PTPRD: variants seen among roughly 807,000 people sequenced by gnomAD.
PTPRD encodes the protein protein tyrosine phosphatase receptor type D.
In PTPRD, 34 loss-of-function variants were observed where a neutral mutation model predicts 214.5. The observed-to-expected ratio is 0.16, with a 90% CI of 0.12 to 0.21. PTPRD has a LOEUF of 0.21. PTPRD is among the 10% of genes least tolerant of loss of function. PTPRD has a pLI of 1.00. For synonymous variants in PTPRD, 1,128 were observed against 845.7 expected, an observed-to-expected ratio of 1.33 and a Z score of -5.79; for missense variants, 2,545 against 2,398.7, an observed-to-expected ratio of 1.06 and a Z score of -1.27.
At chr9:8,781,994 C>T (rs62528837) in intron 11 of PTPRD, among the ~76,000 whole-genome samples, 15,611 of 148,444 alleles carry the variant, frequency 0.11, 1,052 homozygotes, top group Middle Eastern at 0.15. Context: ...ATTTTTCAAA[C>T]GGACAAAAAC....
In PTPRD at chr9:8,994,659, G is replaced by T. The variant is rs533451036; in HGVS notation, c.-104+24038C>A. ...AATTAAGACAATTACAATTACGGTT[G>T]GAGGGGGGGTGTTGTTTGTTTTTGT... On this transcript the variant is annotated intron_variant, in intron 11 of 45. Transcript: ENST00000381196. Among the ~76,000 whole-genome samples, 921 of 152,016 alleles carry T rather than the reference G, an allele frequency of 6.1e-3. 2 individuals carry two copies. Among genetic ancestry groups the T allele is most frequent in the African/African-American group, 0.022 (896 of 41,510 alleles).
chr9:10,034,178 G>A (rs1401793645), intron 3 of PTPRD, among the ~76,000 whole-genome samples: 1 of 151,980 alleles, frequency 6.6e-6, no homozygotes, highest in East Asian at 1.9e-4. Flanking sequence ...AAAAGTTCAT[G>A]CTGTAGGACA....
At chr9:9,052,638 C>T (rs1313089770) in intron 10 of PTPRD, among the ~76,000 whole-genome samples, 1 of 152,086 alleles carries the variant, frequency 6.6e-6, no homozygotes. Flanking sequence ...ATGGACTTTC[C>T]CTCTCCCATT....
intron 3 of PTPRD, among the ~76,000 whole-genome samples, chr9:10,200,072 G>A (rs1302671235): frequency 6.6e-6 from 1 of 151,958 alleles, no homozygotes; most frequent in East Asian, 1.9e-4. Flanking sequence ...TTTATATCAT[G>A]TAATATTAGT....
At chr9:8,375,417 T>G (rs1363988001) in intron 39 of PTPRD, among the ~76,000 whole-genome samples, 2 of 152,196 alleles carry the variant, frequency 1.3e-5, no homozygotes, top group Non-Finnish European at 2.9e-5. Flanking sequence ...TTAAATACAT[T>G]TTTAAAAATC....
chr9:9,789,336 A>C (rs1175249728), intron 5 of PTPRD, among the ~76,000 whole-genome samples: 1 of 152,244 alleles, frequency 6.6e-6, no homozygotes, highest in Non-Finnish European at 1.5e-5. Flanking sequence ...TAACTATTCA[A>C]GCTTGGGAAG....
At chr9:9,111,629 G>A (rs936980796) in intron 10 of PTPRD, among the ~76,000 whole-genome samples, 1 of 152,094 alleles carries the variant, frequency 6.6e-6, no homozygotes, top group Non-Finnish European at 1.5e-5. Flanking sequence ...GAAGAGTACT[G>A]GTGTAACAGT....
rs529036998 is a variant in PTPRD, at chr9:8,573,768, C to G, written c.353-44989G>C. On this transcript the variant is annotated intron_variant, in intron 14 of 45. Transcript: ENST00000381196. ...GTAGGAGTATTTATGGAACATTACT[C>G]TTAATTCTGCATTTTTACCTATGCA... is the stretch of plus-strand genomic sequence containing the variant. Among the ~76,000 whole-genome samples the G allele has an allele frequency of 4.6e-5, 7 of 151,942 alleles. No homozygotes were observed. The South Asian group carries it at 1.0e-3, about 23-fold the overall frequency.
intron 11 of PTPRD, among the ~76,000 whole-genome samples, chr9:8,878,672 C>A (rs1178842083): frequency 6.6e-6 from 1 of 152,110 alleles, no homozygotes; most frequent in Non-Finnish European, 1.5e-5. Flanking sequence ...GAATTACAGG[C>A]ACATGCTACC....
Position 10,475,391 on chromosome 9 carries a change from A to T in PTPRD, c.-599-134374T>A, listed in dbSNP as rs2099056174. Among the ~76,000 whole-genome samples, 4 of 152,100 alleles carry T rather than the reference A, an allele frequency of 2.6e-5. No individual in the cohort carries two copies. In the South Asian group the frequency reaches 8.3e-4, roughly 32 times the overall value. ...AAATCAACTGGAAAATGTAGAAGAA[A>T]TGGATAAATTCCTGGACACATAAAC... is the stretch of plus-strand genomic sequence containing the variant. On this transcript the variant is annotated intron_variant, in intron 2 of 45. Coordinates refer to ENST00000381196, the MANE Select transcript of PTPRD (RefSeq NM_002839.4).
At chr9:8,347,097 G>T (rs546790696) in intron 39 of PTPRD, among the ~76,000 whole-genome samples, 20 of 152,110 alleles carry the variant, frequency 1.3e-4, no homozygotes, top group Admixed American at 8.5e-4. Flanking sequence ...GATAGAGGGG[G>T]ACTACACTAA....
intron 5 of PTPRD, among the ~76,000 whole-genome samples, chr9:9,904,647 T>A (rs2077136211): frequency 6.6e-6 from 1 of 151,916 alleles, no homozygotes; most frequent in African/African-American, 2.4e-5. Context: ...ATAATGCATT[T>A]AAAAAAATGC....
chr9:8,499,505 A>G, intron 25 of PTPRD, 142 bp downstream of exon 25: 1 of 746,462 alleles, frequency 1.3e-6, no homozygotes, highest in Non-Finnish European at 2.1e-6. Flanking sequence ...GAAAAGATCA[A>G]TATACATCAA....
At chr9:10,503,647 A>G (rs2044661034) in intron 2 of PTPRD, among the ~76,000 whole-genome samples, 1 of 152,088 alleles carries the variant, frequency 6.6e-6, no homozygotes, top group Admixed American at 6.6e-5. Context: ...ATATAGCAGT[A>G]AAGAAAATAG....
At chr9:9,170,418 C>T (rs896990581) in intron 10 of PTPRD, among the ~76,000 whole-genome samples, 8 of 152,058 alleles carry the variant, frequency 5.3e-5, no homozygotes, top group African/African-American at 7.2e-5. Context: ...GGAAAAAGTC[C>T]TTAAATGAAT....
At chr9:9,311,727 T>A (rs1037699594) in intron 9 of PTPRD, among the ~76,000 whole-genome samples, 1 of 152,196 alleles carries the variant, frequency 6.6e-6, no homozygotes, top group African/African-American at 2.4e-5. Context: ...AATTTAAGGC[T>A]TGTAGCTCTA....
rs568031857 is a variant in PTPRD at position 9,820,194 on chromosome 9, C to T, written c.-367-53343G>A. ...TAATAACCATTCTGATTGGTGCATA[C>T]GGTATCTCATTATGGTTTTCATTTG... On this transcript the variant is annotated intron_variant, in intron 5 of 45. Coordinates refer to ENST00000381196, the MANE Select transcript of PTPRD (RefSeq NM_002839.4). 1.8e-4 allele frequency among the ~76,000 whole-genome samples: 27 copies of T among 152,118 alleles called. No individual in the cohort carries two copies. The East Asian group carries it at 2.5e-3, about 14-fold the overall frequency.
intron 12 of PTPRD, among the ~76,000 whole-genome samples, chr9:8,669,394 T>G (rs550693492): frequency 6.6e-6 from 1 of 152,216 alleles, no homozygotes; most frequent in South Asian, 2.1e-4. Context: ...TCTGAGGGTA[T>G]AAGACCCAAT....
intron 2 of PTPRD, among the ~76,000 whole-genome samples, chr9:10,500,772 C>G (rs1000097550): frequency 4.6e-5 from 7 of 151,838 alleles, no homozygotes; most frequent in African/African-American, 1.7e-4. Flanking sequence ...TAATTTTTAG[C>G]TTCCATAAAT....
Sources: allele counts gnomAD v4.1 joint callset (sites outside exome capture counted in the v4.1 genomes callset), GRCh38; gene constraint gnomAD v4.1.1; transcripts MANE v1.5; gene names NCBI Gene and HGNC (gene_info 2026-07-23, HGNC 2026-07-21).